Variants in CLSTN2 observed in about 807,000 individuals in gnomAD.
The protein encoded by CLSTN2 is calsyntenin 2.
Under a neutral mutation model 101.2 loss-of-function variants are expected in CLSTN2, and 48 were observed. The ratio of observed to expected loss-of-function variants is 0.47; its 90% CI spans 0.38 to 0.60. CLSTN2 has a LOEUF of 0.60. CLSTN2 is among the 20% of genes least tolerant of loss of function. CLSTN2 has a pLI of 0.00. For missense variants in CLSTN2, 1,160 were observed against 1,238.2 expected (o/e 0.94, Z 0.95); for synonymous variants, 481 against 463.6 (o/e 1.04, Z -0.48).
chr3:140,555,852 A>G (rs1404435832), intron 10 of CLSTN2, among the ~76,000 whole-genome samples: 3 of 152,216 alleles, frequency 2.0e-5, no homozygotes, highest in Non-Finnish European at 4.4e-5. Context: ...AATCGCCGCT[A>G]CATGGCCTTT....
At chr3:140,134,427 A>C (rs2009568708) in intron 1 of CLSTN2, among the ~76,000 whole-genome samples, 1 of 151,868 alleles carries the variant, frequency 6.6e-6, no homozygotes, top group African/African-American at 2.4e-5. Context: ...CTAATCTCCA[A>C]CCCCCACCCC....
intron 10 of CLSTN2, among the ~76,000 whole-genome samples, chr3:140,551,396 T>C: frequency 6.6e-6 from 1 of 152,034 alleles, no homozygotes; most frequent in South Asian, 2.1e-4. Context: ...CCTAAAATGG[T>C]TTAGTGGCTG....
intron 2 of CLSTN2, among the ~76,000 whole-genome samples, chr3:140,247,347 G>C (rs914104931): frequency 6.6e-6 from 1 of 152,132 alleles, no homozygotes; most frequent in Non-Finnish European, 1.5e-5. Flanking sequence ...CTGCATCATG[G>C]GAAATGCTTT....
At position 140,245,654 on chromosome 3, in the gene CLSTN2, G is replaced by A. The variant is rs1024028660; in HGVS notation, c.232+69581G>A. On this transcript the variant is annotated intron_variant, in intron 2 of 16. Transcript: ENST00000458420. ...CCATGCCCCAGAGACCATTAGCTCC[G>A]CCCTCCCACAAAAAAAATGTGACAA... Among the ~76,000 whole-genome samples, 38 of 20,146 alleles carry A rather than the reference G, an allele frequency of 1.9e-3. No individual in the cohort carries two copies. The South Asian group carries it at 0.039, about 21-fold the overall frequency. 13.2% of individuals were successfully genotyped at this position (20,146 alleles called of 152,430 possible).
chr3:140,426,556 C>T (rs1458022748), intron 5 of CLSTN2, among the ~76,000 whole-genome samples: 6 of 152,166 alleles, frequency 3.9e-5, no homozygotes, highest in Non-Finnish European at 8.8e-5. Flanking sequence ...GGAGAGGACA[C>T]AAACGTTTAG....
At chr3:140,420,304 A>T (rs1241271179) in intron 4 of CLSTN2, among the ~76,000 whole-genome samples, 3 of 151,614 alleles carry the variant, frequency 2.0e-5, no homozygotes, top group Non-Finnish European at 2.9e-5. Flanking sequence ...AAAAAAAAAA[A>T]GTAGTAGGAA....
At chr3:140,531,478 A>C (rs546409151) in intron 8 of CLSTN2, among the ~76,000 whole-genome samples, 1 of 152,270 alleles carries the variant, frequency 6.6e-6, no homozygotes, top group South Asian at 2.1e-4. Context: ...TTCAGAACTC[A>C]TCTGTCTCCT....
chr3:140,043,615 A>G (rs1190593287), intron 1 of CLSTN2, among the ~76,000 whole-genome samples: 1 of 152,178 alleles, frequency 6.6e-6, no homozygotes, highest in African/African-American at 2.4e-5. Context: ...TATGTCCTGA[A>G]TGGTATTGCC....
At chr3:140,031,492 G>T (rs1341873379) in intron 1 of CLSTN2, among the ~76,000 whole-genome samples, 2 of 152,116 alleles carry the variant, frequency 1.3e-5, no homozygotes, top group Non-Finnish European at 2.9e-5. Flanking sequence ...AAATAGGGCT[G>T]GTATCCTTAG....
chr3:140,536,868 A>G (rs572797194), intron 9 of CLSTN2, among the ~76,000 whole-genome samples: 1 of 152,288 alleles, frequency 6.6e-6, no homozygotes, highest in East Asian at 1.9e-4. Context: ...AATCTGGGAC[A>G]AGGAGATGAG....
chr3:140,209,628 C>A (rs538544291), intron 2 of CLSTN2, among the ~76,000 whole-genome samples: 39 of 150,736 alleles, frequency 2.6e-4, no homozygotes, highest in Non-Finnish European at 4.3e-4. Context: ...TGAAGCCCAG[C>A]ACTGTCCGTA....
In CLSTN2 at chr3:140,448,658, T is replaced by C. The variant is rs138555548; in HGVS notation, c.927T>C (p.Gly309=). 4.3e-6 allele frequency: 7 copies of C among 1,613,938 alleles called. No homozygotes were observed. In the African/African-American group the frequency reaches 8.0e-5, roughly 18 times the overall value. The change falls in exon 6 of 17, where the codon GGT becomes GGC. Residue 309 remains glycine (G), a synonymous_variant. Transcript: ENST00000458420. ...TGCAGACTAATTACATTGGGAAGGG[T>C]TGTGACCGGGAGACCTACTCTGAGA... is the stretch of plus-strand genomic sequence containing the variant. ...TELQTNYIGK[G]CDRETYSEKS...
rs184605828 is a variant in CLSTN2, at chr3:140,543,657, G to C, written c.1508-2858G>C. ...CTGCCCTTCTCCATGCAGGGCCTTG[G>C]TCATCACCAGTCTGCTGGCAAGATA... On this transcript the variant is annotated intron_variant, in intron 9 of 16. Transcript: ENST00000458420. 9.5e-4 allele frequency among the ~76,000 whole-genome samples: 144 copies of C among 152,296 alleles called. 2 individuals carry two copies. Among genetic ancestry groups the C allele is most frequent in the African/African-American group, 3.2e-3 (132 of 41,570 alleles).
chr3:140,313,715 A>AGGG (rs2087197345), intron 2 of CLSTN2, among the ~76,000 whole-genome samples: 1 of 152,210 alleles, frequency 6.6e-6, no homozygotes, highest in Non-Finnish European at 1.5e-5. Context: ...ATACTCACAA[A>AGGG]GTGAAGTGTG....
At chr3:140,354,689 C>T (rs1316399755) in intron 2 of CLSTN2, among the ~76,000 whole-genome samples, 1 of 152,128 alleles carries the variant, frequency 6.6e-6, no homozygotes, top group Non-Finnish European at 1.5e-5. Context: ...CTGGAGTGAG[C>T]CTGGCTGAAT....
chr3:140,413,151 C>T (rs1244670750), intron 4 of CLSTN2, among the ~76,000 whole-genome samples: 1 of 151,022 alleles, frequency 6.6e-6, no homozygotes, highest in Non-Finnish European at 1.5e-5. Context: ...TTTACCTAGG[C>T]TAAGAAAAAA....
At chr3:140,104,240 T>C (rs954765575) in intron 1 of CLSTN2, among the ~76,000 whole-genome samples, 1 of 152,192 alleles carries the variant, frequency 6.6e-6, no homozygotes, top group African/African-American at 2.4e-5. Flanking sequence ...TCCTCCCACC[T>C]GCCCTCTCCT....
chr3:140,358,838 G>T (rs567100905), intron 2 of CLSTN2, among the ~76,000 whole-genome samples: 4 of 152,026 alleles, frequency 2.6e-5, no homozygotes, highest in South Asian at 4.2e-4. Flanking sequence ...AGAGAGAGGC[G>T]GATTTGTAGG....
intron 2 of CLSTN2, among the ~76,000 whole-genome samples, chr3:140,276,148 T>G (rs1368579651): frequency 1.3e-5 from 2 of 152,244 alleles, no homozygotes; most frequent in East Asian, 1.9e-4. Flanking sequence ...CTTCTCCCCA[T>G]GAGGTGTAGC....
Sources: allele counts gnomAD v4.1 joint callset (sites outside exome capture counted in the v4.1 genomes callset), GRCh38; gene constraint gnomAD v4.1.1; transcripts MANE v1.5; gene names NCBI Gene and HGNC (gene_info 2026-07-23, HGNC 2026-07-21).